Variants in ERCC2 observed in about 807,000 individuals in gnomAD.
ERCC2 encodes the protein ERCC excision repair 2, TFIIH core complex helicase subunit, also known as general transcription and DNA repair factor IIH helicase subunit XPD.
In ERCC2, 90 loss-of-function variants were observed where a neutral mutation model predicts 99.4. That is an observed-to-expected ratio of 0.91 (90% CI 0.76 to 1.08). ERCC2 has a LOEUF of 1.08. Among genes scored for constraint, ERCC2 ranks in the 50% least tolerant of loss-of-function variants. The pLI is 0.00. For missense variants in ERCC2, 993 were observed against 1,038.1 expected (o/e 0.96, Z 0.60); for synonymous variants, 497 against 432.4 (o/e 1.15, Z -1.85).
chr19:45,363,161 A>G (rs534054836), intron 11 of ERCC2, among the ~76,000 whole-genome samples: 1 of 152,286 alleles, frequency 6.6e-6, no homozygotes, highest in African/African-American at 2.4e-5. Flanking sequence ...TCCCTTGGTC[A>G]TTCTCTGCCT....
chr19:45,357,801 C>T (rs1019857048), intron 12 of ERCC2, 102 bp from the exon 13 acceptor site: 42 of 1,051,310 alleles, frequency 4.0e-5, no homozygotes, highest in Admixed American at 9.7e-5. Flanking sequence ...CCCCAATCTC[C>T]ACCCCGTACT....
rs1305256714 is a variant in ERCC2, at chr19:45,357,718, G to A, written c.1238-19C>T. ...GTGAAGCCTGCAGAGGGCAGGCAAG[G>A]AGGGGTGAGATTACCCCACTACAGC... On this transcript the variant is annotated intron_variant, in intron 12 of 22. Coordinates refer to ENST00000391945, the MANE Select transcript of ERCC2 (RefSeq NM_000400.4). 1 of 1,611,368 alleles carries A rather than the reference G, an allele frequency of 6.2e-7. No individual in the cohort carries two copies. Among genetic ancestry groups the A allele is most frequent in the Non-Finnish European group, 8.5e-7 (1 of 1,178,772 alleles).
In ERCC2 at chr19:45,364,046, C is replaced by T. The variant is rs1372639983; in HGVS notation, c.889G>A (p.Ala297Thr). 3 of 1,567,252 alleles carry T rather than the reference C, an allele frequency of 1.9e-6. No homozygotes were observed. The highest frequency in any genetic ancestry group is 1.9e-5 in the Admixed American group (1 of 53,130). The stretch of plus-strand genomic sequence containing the variant: ...AGGTGGGCGTCCGTCTCCCGGGCGG[C>T]GCTGGCCTCCCGCAGCCCCTCCACC... Reference protein sequence around the residue: ...RLVEGLREASAARETDAHLAN... With the variant: ...RLVEGLREASTARETDAHLAN... The change falls in exon 10 of 23, where the codon GCC becomes ACC. Residue 297 changes from alanine (A) to threonine (T), a missense_variant. Around this residue, in one of 3 missense-constraint regions of ERCC2, gnomAD observed 909 missense variants for 930.8 expected, o/e 0.98. Transcript: ENST00000391945.
At position 45,353,149 on chromosome 19, in the gene ERCC2, C is replaced by T. The variant is rs779040262; in HGVS notation, c.1765G>A (p.Glu589Lys). The T allele has an allele frequency of 1.2e-5, 20 of 1,613,852 alleles. No homozygotes were observed. Among genetic ancestry groups the T allele is most frequent in the Non-Finnish European group, 1.6e-5 (19 of 1,179,974 alleles). ...AGCAGGATGGCCCCGCGGCCATTCTCGCAGGCCTGAGGTGGGGAGACCGAG... is the reference window on the plus strand; with the variant it reads ...AGCAGGATGGCCCCGCGGCCATTCTTGCAGGCCTGAGGTGGGGAGACCGAG... ...VALEKYQEAC[E>K]NGRGAILLSV... Residue 589 changes from glutamate to lysine, a missense_variant, in exon 19 of 23, where the codon GAG becomes AAG. Physicochemically the swap from Glu to Lys is moderately conservative, Grantham distance 56. Coordinates refer to ENST00000391945, the MANE Select transcript of ERCC2 (RefSeq NM_000400.4).
intron 12 of ERCC2, among the ~76,000 whole-genome samples, chr19:45,361,310 C>A (rs561919676): frequency 6.6e-6 from 1 of 152,104 alleles, no homozygotes; most frequent in Admixed American, 6.6e-5. Flanking sequence ...CTTCTCCACT[C>A]TGCAGCCCGA....
rs1207164839 is a variant in ERCC2 at position 45,363,995 on chromosome 19, C to G, written c.940G>C (p.Val314Leu). 1.9e-6 allele frequency: 3 copies of G among 1,542,480 alleles called. No individual in the cohort carries two copies. The highest frequency in any genetic ancestry group is 1.7e-6 in the Non-Finnish European group (2 of 1,147,060). ...GGGGGTCGGGGCTCACCCTGCAGCACTTCGTCGGGCAGCACGGGGTTGGCC... is the reference window on the plus strand; with the variant it reads ...GGGGGTCGGGGCTCACCCTGCAGCAGTTCGTCGGGCAGCACGGGGTTGGCC... ...HLANPVLPDE[V>L]LQEAVPGSIR... The change falls in exon 10 of 23, where the codon GTG becomes CTG. Residue 314 changes from valine to leucine, a missense_variant. Val to Leu is a conservative substitution (Grantham distance 32, BLOSUM62 1). Coordinates refer to ENST00000391945, the MANE Select transcript of ERCC2 (RefSeq NM_000400.4).
At position 45,358,769 on chromosome 19, in the gene ERCC2, T is replaced by G. The variant is rs3916842; in HGVS notation, c.1238-1070A>C. 2,791 of 768,342 alleles carry G rather than the reference T, an allele frequency of 3.6e-3. 56 individuals carry two copies. In the African/African-American group the frequency reaches 0.042, roughly 12 times the overall value. The allele number at this position is 768,342 out of a possible 1,614,324, so 47.6% of individuals were successfully genotyped here. A position where few individuals can be genotyped will look rare whatever the true frequency, so the allele number is the denominator to read the frequency against. ...CAACACAACAATGTATTTTTTTTCA[T>G]GATAACTGTCACTTTCTGGAATTAT... is the stretch of plus-strand genomic sequence containing the variant. On this transcript the variant is annotated intron_variant, in intron 12 of 22. Coordinates refer to ENST00000391945, the MANE Select transcript of ERCC2 (RefSeq NM_000400.4).
chr19:45,353,474 T>G, intron 17 of ERCC2, 140 bp from the exon 18 acceptor site: 1 of 685,916 alleles, frequency 1.5e-6, no homozygotes, highest in South Asian at 1.6e-5. Flanking sequence ...GAGGGTGGAA[T>G]TGTCCAACCT....
At position 45,350,635 on chromosome 19, in the gene ERCC2, C is replaced by CCCCAGGCCCTT. The variant is rs773980237; in HGVS notation, c.*983_*993dup. The CCCCAGGCCCTT allele has an allele frequency of 1.4e-4, 230 of 1,613,250 alleles. No individual in the cohort carries two copies. Among genetic ancestry groups the CCCCAGGCCCTT allele is most frequent in the Non-Finnish European group, 1.9e-4 (225 of 1,179,492 alleles). On this transcript the variant is annotated 3_prime_UTR_variant, in exon 23 of 23. Coordinates refer to ENST00000391945, the MANE Select transcript of ERCC2 (RefSeq NM_000400.4). The stretch of plus-strand genomic sequence containing the variant: ...GGACTGAGCAGCATCCCCGGCCCCT[C>CCCCAGGCCCTT]CCCAGGCCCTTCGCCGCAGCAGCTC...
Position 45,361,659 on chromosome 19 carries a change from A to C in ERCC2, c.1119-17T>G. On this transcript the variant is annotated splice_polypyrimidine_tract_variant and intron_variant, in intron 11 of 22. Transcript: ENST00000391945. ...GCACAGAATCTGGCGGGGAGGAGAG[A>C]CGGGGTCGGGGGGCAGACGGAAGCA... The C allele has an allele frequency of 6.3e-7, 1 of 1,580,824 alleles. No homozygotes were observed. The highest frequency in any genetic ancestry group is 8.7e-7 in the Non-Finnish European group (1 of 1,150,328).
intron 12 of ERCC2, chr19:45,358,648 C>T: frequency 1.7e-6 from 1 of 591,708 alleles, no homozygotes; most frequent in Non-Finnish European, 3.0e-6. Flanking sequence ...GCCTGGAAAA[C>T]CTCCCAAGGC....
In ERCC2 at chr19:45,352,568, G is replaced by A. The variant is rs778479250; in HGVS notation, c.1984C>T (p.Gln662Ter). ...CCCCTGATGGCCCGACCCACACACT[G>A]GGCCGCGTGGCGCATGGCATCGAAG... ...LTFDAMRHAA[Q>*]CVGRAIRGKT... is the part of the protein sequence containing the mutation. The change falls in exon 21 of 23, where the codon CAG (glutamine) becomes TAG (stop). Residue 662 changes from glutamine to a stop codon, truncating the protein, a stop_gained. Transcript: ENST00000391945. LOFTEE classifies it high-confidence loss of function. 11 of 1,613,984 alleles carry A rather than the reference G, an allele frequency of 6.8e-6. No homozygotes were observed. Among genetic ancestry groups the A allele is most frequent in the Non-Finnish European group, 8.5e-6 (10 of 1,180,046 alleles).
At position 45,350,481 on chromosome 19, in the gene ERCC2, C is replaced by A; in HGVS notation, c.*1148G>T. 1 of 1,613,524 alleles carries A rather than the reference C, an allele frequency of 6.2e-7. No homozygotes were observed. The highest frequency in any genetic ancestry group is 8.5e-7 in the Non-Finnish European group (1 of 1,179,614). On this transcript the variant is annotated 3_prime_UTR_variant, in exon 23 of 23. Coordinates refer to ENST00000391945, the MANE Select transcript of ERCC2 (RefSeq NM_000400.4). ...TTCCCTCCTGGTGGCTTCTCTATGTCCCCATCTCAGTGTCCCCCATCTTTC... is the reference window on the plus strand; with the variant it reads ...TTCCCTCCTGGTGGCTTCTCTATGTACCCATCTCAGTGTCCCCCATCTTTC...
chr19:45,370,448 C>T (rs1462067232), intron 1 of ERCC2, 88 bp downstream of exon 1: 53 of 1,519,774 alleles, frequency 3.5e-5, no homozygotes, highest in Non-Finnish European at 2.1e-5. Context: ...CCCTCGCCCC[C>T]TTGGGGACCC....
chr19:45,355,705 C>G lies in ERCC2; in HGVS notation c.1503G>C (p.Gln501His). 6.2e-7 allele frequency: 1 copy of G among 1,614,196 alleles called. No homozygotes were observed. The highest frequency in any genetic ancestry group is 8.5e-7 in the Non-Finnish European group (1 of 1,180,026). Residue 501 changes from glutamine to histidine, a missense_variant, in exon 16 of 23, where the codon CAG becomes CAC. Physicochemically the swap from Gln to His is conservative, Grantham distance 24. This residue lies in a region of ERCC2 where 909 missense variants were observed against 930.8 expected (regional missense o/e 0.98). Coordinates refer to ENST00000391945, the MANE Select transcript of ERCC2 (RefSeq NM_000400.4). ...CPMIIGRGND[Q>H]VAISSKFETR... Reference sequence around the variant, plus strand: ...TCTCAAATTTGGAGCTGATGGCCACCTGGTCATTGCCACGGCCGATGATCT... The same window carrying G: ...TCTCAAATTTGGAGCTGATGGCCACGTGGTCATTGCCACGGCCGATGATCT...
In ERCC2 at chr19:45,360,952, G is replaced by A. The variant is rs770476938; in HGVS notation, c.1237+572C>T. Among the ~76,000 whole-genome samples, 134 of 151,608 alleles carry A rather than the reference G, an allele frequency of 8.8e-4. 2 individuals carry two copies. Among genetic ancestry groups the A allele is most frequent in the Non-Finnish European group, 1.2e-3 (80 of 67,886 alleles). Reference sequence around the variant, plus strand: ...TCGAGACCGTCCTGGCCAACATGGTGAAACCCCACCTCTACTAAAAATACA... The same window carrying A: ...TCGAGACCGTCCTGGCCAACATGGTAAAACCCCACCTCTACTAAAAATACA... On this transcript the variant is annotated intron_variant, in intron 12 of 22. Transcript: ENST00000391945.
chr19:45,363,616 C>T, intron 11 of ERCC2, 127 bp downstream of exon 11: 1 of 1,120,522 alleles, frequency 8.9e-7, no homozygotes. Context: ...CAAGGTCCCA[C>T]GTGCCTCGCC....
chr19:45,353,871 G>A (rs1471536202), intron 17 of ERCC2, among the ~76,000 whole-genome samples: 2 of 152,186 alleles, frequency 1.3e-5, no homozygotes, highest in Non-Finnish European at 2.9e-5. Flanking sequence ...TCATAGACCT[G>A]GATGTGAAAG....
chr19:45,369,209 T>TG (rs1223498089), intron 2 of ERCC2, 62 bp from the exon 3 acceptor site: 3 of 1,399,146 alleles, frequency 2.1e-6, no homozygotes, highest in Non-Finnish European at 3.0e-6. Context: ...ACACAAACTC[T>TG]GGGGACTCTC....
Sources: allele counts gnomAD v4.1 joint callset (sites outside exome capture counted in the v4.1 genomes callset), GRCh38; gene constraint gnomAD v4.1.1; regional missense constraint gnomAD v4.1.1; transcripts MANE v1.5; gene names NCBI Gene and HGNC (gene_info 2026-07-23, HGNC 2026-07-21).